The following GPD2 variants were observed in gnomAD, a reference collection of about 807,000 sequenced individuals.
GPD2 encodes glycerol-3-phosphate dehydrogenase, mitochondrial.
GPD2 carries 54 observed loss-of-function variants against 82.4 expected under a neutral mutation model. The observed-to-expected ratio is 0.66, with a 90% CI of 0.53 to 0.82. GPD2 has a LOEUF of 0.82. GPD2 is among the 40% of genes least tolerant of loss of function. GPD2 has a pLI of 0.00. For synonymous variants in GPD2, 288 were observed against 306.1 expected (o/e 0.94, Z 0.62); for missense variants, 748 against 896.2 (o/e 0.83, Z 2.11).
rs373200801 is a variant in GPD2, at chr2:156,439,703, C to G, written c.-9+3190C>G. 6.2e-3 allele frequency among the ~76,000 whole-genome samples: 944 copies of G among 151,356 alleles called. 5 individuals are homozygous for G. The highest frequency in any genetic ancestry group is 0.01 in the Middle Eastern group (3 of 292). On this transcript the variant is annotated intron_variant, in intron 1 of 16. Coordinates refer to ENST00000438166, the MANE Select transcript of GPD2 (RefSeq NM_000408.5). ...CTCTACTAAAAATACAAAAATTAGC[C>G]GGGCATGATCGTGGGCACCTGTAAT... is the stretch of plus-strand genomic sequence containing the variant.
At chr2:156,545,717 A>G (rs1008438008) in intron 6 of GPD2, among the ~76,000 whole-genome samples, 13 of 152,216 alleles carry the variant, frequency 8.5e-5, no homozygotes, top group African/African-American at 3.1e-4. Context: ...AATCCCAGGT[A>G]GTTTTATACC....
In GPD2 at chr2:156,572,074, A is replaced by G. The variant is rs531777929; in HGVS notation, c.1767+782A>G. On this transcript the variant is annotated intron_variant, in intron 13 of 16. Transcript: ENST00000438166. ...TTGTTTTACTTGGCCAATTAGCAGC[A>G]TTTGACACAATTGATTCCCCCTTCC... is the stretch of plus-strand genomic sequence containing the variant. Among the ~76,000 whole-genome samples, 17 of 152,250 alleles carry G rather than the reference A, an allele frequency of 1.1e-4. No homozygotes were observed. The South Asian group carries it at 3.3e-3, about 30-fold the overall frequency.
chr2:156,505,782 A>G (rs191640837), intron 3 of GPD2, among the ~76,000 whole-genome samples: 105 of 152,310 alleles, frequency 6.9e-4, no homozygotes, highest in African/African-American at 2.2e-3. Context: ...CTAGCATTGA[A>G]TATCACTTAA....
intron 6 of GPD2, among the ~76,000 whole-genome samples, chr2:156,531,605 T>C (rs567107440): frequency 6.6e-6 from 1 of 152,352 alleles, no homozygotes; most frequent in South Asian, 2.1e-4. Flanking sequence ...GGCACCTGCA[T>C]GTGGAGGCCA....
chr2:156,401,216 G>T, the GPD2 span, among the ~76,000 whole-genome samples: 3 of 152,150 alleles, frequency 2.0e-5, no homozygotes, highest in Non-Finnish European at 4.4e-5. Context: ...AACCACCAAT[G>T]CTTATAGCAA....
At chr2:156,423,829 C>A in the GPD2 span, among the ~76,000 whole-genome samples, 1 of 152,076 alleles carries the variant, frequency 6.6e-6, no homozygotes, top group South Asian at 2.1e-4. Flanking sequence ...AAGGCAGAGC[C>A]GATCTCCACT....
rs537216065 is a variant in GPD2, at chr2:156,504,463, C to T, written c.275-6333C>T. Reference sequence around the variant, plus strand: ...TTAATACCTGTTCTTATGGTGCTAACATACAAAGCATCTTAAATTTTTTGA... The same window carrying T: ...TTAATACCTGTTCTTATGGTGCTAATATACAAAGCATCTTAAATTTTTTGA... On this transcript the variant is annotated intron_variant, in intron 3 of 16. Coordinates refer to ENST00000438166, the MANE Select transcript of GPD2 (RefSeq NM_000408.5). Among the ~76,000 whole-genome samples, 17 of 151,336 alleles carry T rather than the reference C, an allele frequency of 1.1e-4. No individual in the cohort carries two copies. The East Asian group carries it at 3.1e-3, about 28-fold the overall frequency.
chr2:156,545,971 A>T (rs952409136), intron 6 of GPD2, among the ~76,000 whole-genome samples: 1 of 152,178 alleles, frequency 6.6e-6, no homozygotes, highest in African/African-American at 2.4e-5. Flanking sequence ...GTCATTGAGG[A>T]TTAAGACAAA....
the GPD2 span, among the ~76,000 whole-genome samples, chr2:156,403,446 A>G: frequency 3.9e-5 from 6 of 152,144 alleles, no homozygotes; most frequent in Non-Finnish European, 8.8e-5. Flanking sequence ...CAACCATCCT[A>G]TGACTTGAAG....
At chr2:156,553,249 T>C (rs1022766188) in intron 8 of GPD2, among the ~76,000 whole-genome samples, 2 of 152,142 alleles carry the variant, frequency 1.3e-5, no homozygotes, top group Non-Finnish European at 2.9e-5. Flanking sequence ...GATTATTTTT[T>C]CTCTGTTTTA....
chr2:156,471,901 T>C lies in GPD2; in HGVS notation c.-8-4197T>C, dbSNP rs574446034. 3.0e-4 allele frequency among the ~76,000 whole-genome samples: 45 copies of C among 152,348 alleles called. 1 individual carries two copies. The highest frequency in any genetic ancestry group is 1.0e-4 in the Non-Finnish European group (7 of 68,026). On this transcript the variant is annotated intron_variant, in intron 1 of 16. Coordinates refer to ENST00000438166, the MANE Select transcript of GPD2 (RefSeq NM_000408.5). Reference sequence around the variant, plus strand: ...CACAGATATATTTAGTTGAGCACCATTTGTTTAGGTTTTGCCAACTGAGCT... The same window carrying C: ...CACAGATATATTTAGTTGAGCACCACTTGTTTAGGTTTTGCCAACTGAGCT...
intron 1 of GPD2, among the ~76,000 whole-genome samples, chr2:156,461,047 A>C (rs1682969813): frequency 6.6e-6 from 1 of 152,100 alleles, no homozygotes; most frequent in South Asian, 2.1e-4. Context: ...TGTCATTTGA[A>C]TATGCCAAGG....
chr2:156,543,245 T>C (rs1686394774), intron 6 of GPD2, among the ~76,000 whole-genome samples: 1 of 152,098 alleles, frequency 6.6e-6, no homozygotes, highest in South Asian at 2.1e-4. Flanking sequence ...AATTGAGGGG[T>C]TGGGGACTGT....
upstream of GPD2, among the ~76,000 whole-genome samples, chr2:156,434,826 A>G (rs1688377754): frequency 6.6e-6 from 1 of 152,190 alleles, no homozygotes; most frequent in Non-Finnish European, 1.5e-5. Context: ...CCCCAGCCCC[A>G]GAGTCTATGA....
chr2:156,416,322 G>A, the GPD2 span, among the ~76,000 whole-genome samples: 14 of 150,998 alleles, frequency 9.3e-5, no homozygotes, highest in Admixed American at 3.3e-4. Context: ...TTTACTTTTC[G>A]TTAACTATTT....
intron 3 of GPD2, among the ~76,000 whole-genome samples, chr2:156,509,508 C>T (rs994600172): frequency 2.0e-4 from 30 of 152,036 alleles, no homozygotes; most frequent in African/African-American, 7.0e-4. Flanking sequence ...GTGTTCCAGG[C>T]CATGAAAACT....
intron 3 of GPD2, among the ~76,000 whole-genome samples, chr2:156,502,696 G>T (rs1425532650): frequency 6.6e-6 from 1 of 152,178 alleles, no homozygotes; most frequent in Non-Finnish European, 1.5e-5. Context: ...AAAGTGTTGG[G>T]ATTACAGGCA....
chr2:156,408,637 G>A, the GPD2 span, among the ~76,000 whole-genome samples: 1 of 151,554 alleles, frequency 6.6e-6, no homozygotes, highest in South Asian at 2.1e-4. Flanking sequence ...CTACAGGGGA[G>A]GCTGAGGTGG....
intron 9 of GPD2, among the ~76,000 whole-genome samples, chr2:156,561,073 A>ATTTTTTT (rs1687155716): frequency 6.5e-5 from 1 of 15,330 alleles, no homozygotes; most frequent in Non-Finnish European, 1.5e-4. Flanking sequence ...TTTGAGATGG[A>ATTTTTTT]TTCTCACTTT....
Sources: gnomAD v4.1 joint callset for allele counts (sites outside exome capture counted in the v4.1 genomes callset) on GRCh38, gnomAD v4.1.1 for gene constraint, MANE v1.5 for transcripts, NCBI Gene and HGNC (gene_info 2026-07-23, HGNC 2026-07-21) for gene names.